Variants in SGCZ observed in about 807,000 individuals in gnomAD.
SGCZ encodes the protein zeta-sarcoglycan.
Under a neutral mutation model 41.3 loss-of-function variants are expected in SGCZ, and 40 were observed. That is an observed-to-expected ratio of 0.97 (90% CI 0.75 to 1.26). SGCZ has a LOEUF of 1.26. SGCZ is among the 50% of genes most tolerant of loss of function. The pLI is 0.00. For missense variants in SGCZ, 552 were observed against 369.8 expected (o/e 1.49, Z -4.04); for synonymous variants, 206 against 137.5 (o/e 1.50, Z -3.49).
intron 1 of SGCZ, among the ~76,000 whole-genome samples, chr8:14,858,402 G>A (rs1803613861): frequency 6.6e-6 from 1 of 152,042 alleles, no homozygotes; most frequent in Admixed American, 6.6e-5. Context: ...AACCTTAACA[G>A]AAGGCAATTG....
At chr8:14,798,492 G>A (rs1335285810) in intron 1 of SGCZ, among the ~76,000 whole-genome samples, 1 of 152,030 alleles carries the variant, frequency 6.6e-6, no homozygotes, top group South Asian at 2.1e-4. Flanking sequence ...AATAAACTAT[G>A]TACATGAAGA....
At chr8:14,772,660 T>C (rs972536783) in intron 1 of SGCZ, among the ~76,000 whole-genome samples, 2 of 146,410 alleles carry the variant, frequency 1.4e-5, no homozygotes, top group African/African-American at 5.0e-5. Flanking sequence ...TTCCCACCTA[T>C]GAGTGAGAAC....
intron 2 of SGCZ, among the ~76,000 whole-genome samples, chr8:14,388,244 G>C (rs1407689029): frequency 6.6e-6 from 1 of 151,844 alleles, no homozygotes; most frequent in Non-Finnish European, 1.5e-5. Flanking sequence ...AGAGATCAAA[G>C]ACAAAATTTC....
At chr8:14,839,201 G>C (rs992697681) in intron 1 of SGCZ, among the ~76,000 whole-genome samples, 28 of 152,058 alleles carry the variant, frequency 1.8e-4, no homozygotes, top group African/African-American at 6.5e-4. Context: ...TATTTTGAAA[G>C]TAGAGATAAA....
At chr8:15,051,283 TTCTTAATGCA>T (rs1271836220) in intron 1 of SGCZ, among the ~76,000 whole-genome samples, 1 of 152,208 alleles carries the variant, frequency 6.6e-6, no homozygotes, top group Non-Finnish European at 1.5e-5. Flanking sequence ...AGAATATTTA[TTCTTAATGCA>T]TCTGGCTTCT....
intron 2 of SGCZ, among the ~76,000 whole-genome samples, chr8:14,431,959 C>A (rs569341115): frequency 6.6e-6 from 1 of 152,104 alleles, no homozygotes; most frequent in Admixed American, 6.5e-5. Context: ...CTGGGAAATG[C>A]AAATCAAACC....
intron 2 of SGCZ, among the ~76,000 whole-genome samples, chr8:14,438,717 AATTTT>A (rs1458825135): frequency 2.0e-5 from 3 of 152,018 alleles, no homozygotes; most frequent in Non-Finnish European, 4.4e-5. Context: ...AGTAATACTT[AATTTT>A]AATTTTTTTA....
At chr8:14,396,276 T>G (rs1056184650) in intron 2 of SGCZ, among the ~76,000 whole-genome samples, 29 of 152,304 alleles carry the variant, frequency 1.9e-4, no homozygotes, top group African/African-American at 7.0e-4. Context: ...ATGAACACAT[T>G]TTCTGAGCCA....
chr8:14,399,224 C>T (rs983258475), intron 2 of SGCZ, among the ~76,000 whole-genome samples: 7 of 151,982 alleles, frequency 4.6e-5, no homozygotes, highest in Non-Finnish European at 7.4e-5. Context: ...CCTTGGAGTC[C>T]TTTTTATTGA....
At chr8:14,706,447 ACT>A (rs1423142440) in intron 1 of SGCZ, among the ~76,000 whole-genome samples, 13 of 151,960 alleles carry the variant, frequency 8.6e-5, no homozygotes, top group Non-Finnish European at 1.8e-4. Context: ...ATTTTCAGTG[ACT>A]CTATTCTATG....
At chr8:14,431,079 G>A (rs904807413) in intron 2 of SGCZ, among the ~76,000 whole-genome samples, 3 of 152,202 alleles carry the variant, frequency 2.0e-5, no homozygotes, top group East Asian at 1.9e-4. Context: ...GCTCATGGAT[G>A]AGTAGAATCA....
chr8:14,216,264 T>G (rs1805990130), intron 4 of SGCZ, among the ~76,000 whole-genome samples: 1 of 152,150 alleles, frequency 6.6e-6, no homozygotes, highest in Non-Finnish European at 1.5e-5. Flanking sequence ...TTTCGAAGAT[T>G]TGCAAACCCC....
intron 3 of SGCZ, among the ~76,000 whole-genome samples, chr8:14,290,783 G>C (rs1008530601): frequency 1.3e-5 from 2 of 152,016 alleles, no homozygotes; most frequent in Admixed American, 6.6e-5. Flanking sequence ...CAGTATGGAG[G>C]TTCCCTCATA....
At chr8:14,507,411 T>C (rs943359773) in intron 2 of SGCZ, among the ~76,000 whole-genome samples, 39 of 150,840 alleles carry the variant, frequency 2.6e-4, no homozygotes, top group Admixed American at 6.6e-5. Context: ...CACTGAAGTC[T>C]ACCTGTAATT....
intron 1 of SGCZ, among the ~76,000 whole-genome samples, chr8:14,926,799 C>T (rs1563368403): frequency 6.6e-6 from 1 of 152,014 alleles, no homozygotes; most frequent in African/African-American, 2.4e-5. Context: ...CGCCACCACA[C>T]CCAGCTAATT....
chr8:14,491,365 T>C (rs373804489), intron 2 of SGCZ, among the ~76,000 whole-genome samples: 19 of 151,984 alleles, frequency 1.3e-4, no homozygotes, highest in African/African-American at 4.3e-4. Flanking sequence ...CTCAGTGTAT[T>C]ACTCACTTCT....
At chr8:14,765,905 C>T (rs1237538727) in intron 1 of SGCZ, among the ~76,000 whole-genome samples, 11 of 151,244 alleles carry the variant, frequency 7.3e-5, no homozygotes, top group Admixed American at 7.3e-4. Flanking sequence ...TTGCCAGGCA[C>T]ATCATCACTG....
intron 1 of SGCZ, among the ~76,000 whole-genome samples, chr8:14,976,014 ATACACATATATATTTTTT>A (rs1236276907): frequency 2.0e-4 from 29 of 146,346 alleles, no homozygotes; most frequent in Non-Finnish European, 3.4e-4. Context: ...ATATATATAT[ATACACATATATATTTTTT>A]TTTTTTCTGA....
intron 1 of SGCZ, among the ~76,000 whole-genome samples, chr8:15,210,571 T>A (rs1246084663): frequency 6.6e-6 from 1 of 152,162 alleles, no homozygotes; most frequent in Non-Finnish European, 1.5e-5. Flanking sequence ...AACAGCTGAC[T>A]TTGTAACCAC....
Sources: gnomAD v4.1 joint callset for allele counts (sites outside exome capture counted in the v4.1 genomes callset) on GRCh38, gnomAD v4.1.1 for gene constraint, MANE v1.5 for transcripts, NCBI Gene and HGNC (gene_info 2026-07-23, HGNC 2026-07-21) for gene names.